The following HIPK3 variants were observed in gnomAD, a reference collection of about 807,000 sequenced individuals.
HIPK3 encodes homeodomain-interacting protein kinase 3.
HIPK3 carries 47 observed loss-of-function variants against 124.2 expected under a neutral mutation model. That is an observed-to-expected ratio of 0.38 (90% CI 0.30 to 0.48). The LOEUF (loss-of-function observed/expected upper bound fraction) is 0.48, where lower values mean the gene tolerates loss of function less well. Ranked by LOEUF, HIPK3 falls within the 20% of genes least tolerant of loss-of-function variation. The pLI is 0.98. For synonymous variants in HIPK3, 482 were observed against 515.2 expected (o/e 0.94, Z 0.87); for missense variants, 1,286 against 1,454.3 (o/e 0.88, Z 1.88).
intron 1 of HIPK3, among the ~76,000 whole-genome samples, chr11:33,282,697 CTG>C (rs757677016): frequency 1.7e-4 from 26 of 151,756 alleles, no homozygotes; most frequent in South Asian, 8.3e-4. Flanking sequence ...AAAAAATTAT[CTG>C]TGAATTTAAT....
At chr11:33,310,910 C>G (rs79950843) in intron 2 of HIPK3, among the ~76,000 whole-genome samples, 9,440 of 152,144 alleles carry the variant, frequency 0.062, 455 homozygotes, top group Admixed American at 0.13. Flanking sequence ...TAGTTCAGCC[C>G]TTTGTGGTTT....
chr11:33,275,463 T>C (rs1851246666), intron 1 of HIPK3, among the ~76,000 whole-genome samples: 1 of 152,196 alleles, frequency 6.6e-6, no homozygotes, highest in Non-Finnish European at 1.5e-5. Context: ...TTACTGTTCA[T>C]ACTACCAACT....
At chr11:33,295,277 G>GCCCCCCCCCCCCCCCACCCCCCCC (rs34093915) in intron 2 of HIPK3, among the ~76,000 whole-genome samples, 1 of 106,634 alleles carries the variant, frequency 9.4e-6, no homozygotes, top group Non-Finnish European at 1.9e-5. Context: ...AGCCACCACC[G>GCCCCCCCCCCCCCCCACCCCCCCC]CCCCCCCCCC....
intron 3 of HIPK3, among the ~76,000 whole-genome samples, chr11:33,334,884 G>A (rs1853093939): frequency 6.6e-6 from 1 of 152,224 alleles, no homozygotes; most frequent in Non-Finnish European, 1.5e-5. Context: ...CATTAGGAGA[G>A]ACTGGAGGCA....
Position 33,343,334 on chromosome 11 carries a change from G to A in HIPK3, c.1897+1648G>A, listed in dbSNP as rs151336552. Among the ~76,000 whole-genome samples, 367 of 151,728 alleles carry A rather than the reference G, an allele frequency of 2.4e-3. 1 individual carries two copies. The highest frequency in any genetic ancestry group is 4.2e-3 in the Admixed American group (64 of 15,220). On this transcript the variant is annotated intron_variant, in intron 8 of 16. Coordinates refer to ENST00000303296, the MANE Select transcript of HIPK3 (RefSeq NM_005734.5). The stretch of plus-strand genomic sequence containing the variant: ...CTTGCTCTGTTGCCCAGGCTAGAGT[G>A]TGGTAGCACGATCTTGGCTCACTGC...
At chr11:33,284,705 T>C (rs1464028919) in intron 1 of HIPK3, among the ~76,000 whole-genome samples, 1 of 152,222 alleles carries the variant, frequency 6.6e-6, no homozygotes, top group Non-Finnish European at 1.5e-5. Context: ...GCAAAGTTCC[T>C]GTATCTGGCT....
At chr11:33,326,293 G>A (rs1219399090) in intron 2 of HIPK3, among the ~76,000 whole-genome samples, 1 of 152,106 alleles carries the variant, frequency 6.6e-6, no homozygotes, top group Non-Finnish European at 1.5e-5. Flanking sequence ...ATTGGTGTAG[G>A]GTGTGGCCAG....
At chr11:33,306,828 C>G (rs764789626) in intron 2 of HIPK3, among the ~76,000 whole-genome samples, 4 of 152,118 alleles carry the variant, frequency 2.6e-5, no homozygotes, top group Non-Finnish European at 5.9e-5. Flanking sequence ...TAGGGAGTCT[C>G]CCATAGTTGT....
At chr11:33,283,557 T>C (rs889228571) in intron 1 of HIPK3, among the ~76,000 whole-genome samples, 1 of 152,192 alleles carries the variant, frequency 6.6e-6, no homozygotes, top group Admixed American at 6.5e-5. Flanking sequence ...TAGGAAGCTA[T>C]AGGAGGTATA....
chr11:33,288,789 C>T (rs970335619), intron 2 of HIPK3, among the ~76,000 whole-genome samples: 14 of 152,112 alleles, frequency 9.2e-5, no homozygotes, highest in African/African-American at 3.4e-4. Flanking sequence ...TTCATATAAG[C>T]CTGAGTGAAT....
intron 8 of HIPK3, 83 bp from the exon 9 acceptor site, chr11:33,347,210 C>T: frequency 2.3e-6 from 3 of 1,313,246 alleles, no homozygotes; most frequent in African/African-American, 3.0e-5. Flanking sequence ...AGAATCTAAG[C>T]AATTCTTGAC....
intron 2 of HIPK3, among the ~76,000 whole-genome samples, chr11:33,323,852 C>G (rs767825715): frequency 3.9e-5 from 6 of 152,210 alleles, no homozygotes; most frequent in Non-Finnish European, 7.3e-5. Flanking sequence ...GGTTTTCACA[C>G]TTACCTTCTA....
chr11:33,295,678 G>A (rs1424721049), intron 2 of HIPK3, among the ~76,000 whole-genome samples: 18 of 152,186 alleles, frequency 1.2e-4, no homozygotes, highest in Admixed American at 1.2e-3. Context: ...CTGTTCCTCA[G>A]TTTGCTTATG....
intron 1 of HIPK3, among the ~76,000 whole-genome samples, chr11:33,264,316 C>G (rs775936028): frequency 1.3e-5 from 2 of 152,058 alleles, no homozygotes; most frequent in African/African-American, 4.8e-5. Context: ...CAAAGGATTG[C>G]CAAGGCTGGT....
intron 2 of HIPK3, among the ~76,000 whole-genome samples, chr11:33,323,643 G>A (rs1034681730): frequency 1.4e-4 from 22 of 152,198 alleles, no homozygotes; most frequent in African/African-American, 4.8e-4. Context: ...AAGTGGGGGA[G>A]TGACTTCTAG....
At chr11:33,352,081 A>G (rs1237028228) in intron 15 of HIPK3, 57 bp from the exon 16 acceptor site, 2 of 1,517,016 alleles carry the variant, frequency 1.3e-6, no homozygotes, top group African/African-American at 1.4e-5. Flanking sequence ...AGACTTTGCT[A>G]ATTTTTTATT....
At chr11:33,314,918 T>C (rs1487450199) in intron 2 of HIPK3, among the ~76,000 whole-genome samples, 4 of 152,190 alleles carry the variant, frequency 2.6e-5, no homozygotes, top group Non-Finnish European at 4.4e-5. Context: ...CATACTCACC[T>C]CCTAATCACC....
chr11:33,323,587 G>A (rs560499030), intron 2 of HIPK3, among the ~76,000 whole-genome samples: 14 of 152,230 alleles, frequency 9.2e-5, no homozygotes, highest in African/African-American at 3.1e-4. Context: ...AATCTATAGA[G>A]ACAGAAAGTG....
In HIPK3 at chr11:33,302,339, C is replaced by CTTTTTTTTTTTTTTTTT. The variant is rs374964013; in HGVS notation, c.1097+14830_1097+14831insTTTTTTTTTTTTTTTTT. Among the ~76,000 whole-genome samples, 19 of 121,184 alleles carry CTTTTTTTTTTTTTTTTT rather than the reference C, an allele frequency of 1.6e-4. 4 individuals carry two copies. The highest frequency in any genetic ancestry group is 2.2e-4 in the Non-Finnish European group (13 of 57,862). 79.5% of individuals were successfully genotyped at this position (121,184 alleles called of 152,430 possible). A position where few individuals can be genotyped will look rare whatever the true frequency, so the allele number is the denominator to read the frequency against. ...TGAACTTCTCTATGATAATTCCTTA[C>CTTTTTTTTTTTTTTTTT]TTCTTTTTTTTTTTTTTGAGAAGGA... On this transcript the variant is annotated intron_variant, in intron 2 of 16. Transcript: ENST00000303296.
Sources: gnomAD v4.1 joint callset for allele counts (sites outside exome capture counted in the v4.1 genomes callset) on GRCh38, gnomAD v4.1.1 for gene constraint, MANE v1.5 for transcripts, NCBI Gene and HGNC (gene_info 2026-07-23, HGNC 2026-07-21) for gene names.